The following MEF2A variants were observed in gnomAD, a reference collection of about 807,000 sequenced individuals.
MEF2A encodes the protein myocyte enhancer factor 2A, also known as myocyte-specific enhancer factor 2A.
MEF2A carries 28 observed loss-of-function variants against 55.8 expected under a neutral mutation model. The ratio of observed to expected loss-of-function variants is 0.50; its 90% CI spans 0.37 to 0.69. The LOEUF is 0.69. MEF2A is among the 30% of genes least tolerant of loss of function. MEF2A has a pLI of 0.00. For missense variants in MEF2A, 528 were observed against 626.2 expected (o/e 0.84, Z 1.67); for synonymous variants, 239 against 227.1 (o/e 1.05, Z -0.47).
intron 1 of MEF2A, among the ~76,000 whole-genome samples, chr15:99,592,713 T>G (rs1969753408): frequency 6.6e-6 from 1 of 152,022 alleles, no homozygotes. Context: ...GGGGAGGTAC[T>G]ACACTCTTGA....
intron 4 of MEF2A, 35 bp downstream of exon 4, chr15:99,645,799 A>G: frequency 7.0e-7 from 1 of 1,428,410 alleles, no homozygotes. Flanking sequence ...AATTGCAAGT[A>G]ATACTGAAAT....
chr15:99,645,935 TATAAAC>T, intron 4 of MEF2A, 171 bp downstream of exon 4: 2 of 509,922 alleles, frequency 3.9e-6, no homozygotes, highest in Non-Finnish European at 3.5e-6. Context: ...TCACTTGTGT[TATAAAC>T]ATACTCTATT....
intron 2 of MEF2A, among the ~76,000 whole-genome samples, chr15:99,615,970 G>A (rs1284253715): frequency 6.6e-6 from 1 of 152,058 alleles, no homozygotes; most frequent in African/African-American, 2.4e-5. Context: ...GATTCAAAAT[G>A]GACTCTTCTG....
At chr15:99,707,077 G>A (rs2058121259) in intron 10 of MEF2A, among the ~76,000 whole-genome samples, 1 of 152,192 alleles carries the variant, frequency 6.6e-6, no homozygotes, top group African/African-American at 2.4e-5. Flanking sequence ...CTTCTCCAGT[G>A]TGAACTTTCA....
rs145618675 is a variant in MEF2A at position 99,712,916 on chromosome 15, A to AGTGT, written c.*148_*151dup. Reference sequence around the variant, plus strand: ...TTACATATATATGTATGTGGGTGTGAGTGTGTATGTGTGGGTGTGTGTTAC... The same window carrying AGTGT: ...TTACATATATATGTATGTGGGTGTGAGTGTGTGTGTATGTGTGGGTGTGTGTTAC... On this transcript the variant is annotated 3_prime_UTR_variant, in exon 12 of 12. Coordinates refer to ENST00000557942, the MANE Select transcript of MEF2A (RefSeq NM_001319206.4). The surrounding 1 kb of genome is among the most constrained non-coding windows in gnomAD (Gnocchi z 4.1). The AGTGT allele has an allele frequency of 0.46, 413,898 of 899,282 alleles. 100,281 individuals are homozygous for AGTGT. Among genetic ancestry groups the AGTGT allele is most frequent in the East Asian group, 0.62 (23,192 of 37,518 alleles). 55.7% of individuals were successfully genotyped at this position (899,282 alleles called of 1,614,324 possible).
At chr15:99,631,974 GTAT>G (rs1306112828) in intron 2 of MEF2A, among the ~76,000 whole-genome samples, 1 of 152,148 alleles carries the variant, frequency 6.6e-6, no homozygotes, top group Admixed American at 6.5e-5. Flanking sequence ...CCATGGGAAT[GTAT>G]TATTATGACT....
chr15:99,691,100 G>GTTTTTTT (rs3979130), intron 8 of MEF2A, among the ~76,000 whole-genome samples: 5 of 122,898 alleles, frequency 4.1e-5, no homozygotes, highest in Admixed American at 8.5e-5. Flanking sequence ...TTCGAATCAG[G>GTTTTTTT]TTTTTTTTTT....
chr15:99,662,410 C>T (rs1244920232), intron 4 of MEF2A, among the ~76,000 whole-genome samples: 1 of 151,630 alleles, frequency 6.6e-6, no homozygotes, highest in Non-Finnish European at 1.5e-5. Flanking sequence ...CAACTTTTCT[C>T]ATTTTTAAAA....
At chr15:99,570,547 C>G (rs374605322) in intron 1 of MEF2A, among the ~76,000 whole-genome samples, 1 of 152,126 alleles carries the variant, frequency 6.6e-6, no homozygotes, top group Non-Finnish European at 1.5e-5. Flanking sequence ...TTGTTACTTG[C>G]GTGACCAGCA....
chr15:99,573,428 C>T (rs1179709181), intron 1 of MEF2A, among the ~76,000 whole-genome samples: 2 of 152,050 alleles, frequency 1.3e-5, no homozygotes, highest in African/African-American at 2.4e-5. Context: ...TATTAACATA[C>T]GGTCATTATT....
At chr15:99,697,739 ATAGG>A (rs1022795718) in intron 8 of MEF2A, among the ~76,000 whole-genome samples, 1 of 152,202 alleles carries the variant, frequency 6.6e-6, no homozygotes, top group Non-Finnish European at 1.5e-5. Context: ...TCTAAAATAT[ATAGG>A]TAAAGACGAA....
chr15:99,604,555 A>C (rs951482661), intron 2 of MEF2A, among the ~76,000 whole-genome samples: 1 of 151,538 alleles, frequency 6.6e-6, no homozygotes, highest in African/African-American at 2.4e-5. Flanking sequence ...TCTTTTTTTA[A>C]TGCCCTTGTC....
chr15:99,573,286 C>CAAAAAAA, intron 1 of MEF2A, among the ~76,000 whole-genome samples: 1 of 86,634 alleles, frequency 1.2e-5, no homozygotes, highest in Non-Finnish European at 2.3e-5. Context: ...GACTCCGTCT[C>CAAAAAAA]AAAAAAAAAA....
chr15:99,620,555 A>T (rs550140487), intron 2 of MEF2A, among the ~76,000 whole-genome samples: 1 of 152,278 alleles, frequency 6.6e-6, no homozygotes, highest in African/African-American at 2.4e-5. Context: ...TCCATGGTGT[A>T]TATGCATCAC....
intron 8 of MEF2A, among the ~76,000 whole-genome samples, chr15:99,699,107 CTT>C (rs1217269329): frequency 6.6e-6 from 1 of 151,844 alleles, no homozygotes; most frequent in Non-Finnish European, 1.5e-5. Flanking sequence ...TAATGCCACT[CTT>C]TGAGTATTTA....
rs1421205966 is a variant in MEF2A, at chr15:99,663,526, G to A, written c.259-7797G>A. 2.6e-5 allele frequency among the ~76,000 whole-genome samples: 4 copies of A among 151,382 alleles called. No individual in the cohort carries two copies. In the East Asian group the frequency reaches 5.8e-4, roughly 22 times the overall value. On this transcript the variant is annotated intron_variant, in intron 4 of 11. Transcript: ENST00000557942. Reference sequence around the variant, plus strand: ...GCTTATTTTCCATGGAAGTTTTTATGTATATAAAACTTTTTATATTTTATG... The same window carrying A: ...GCTTATTTTCCATGGAAGTTTTTATATATATAAAACTTTTTATATTTTATG...
At chr15:99,627,849 G>A (rs1165856853) in intron 2 of MEF2A, among the ~76,000 whole-genome samples, 3 of 152,146 alleles carry the variant, frequency 2.0e-5, no homozygotes, top group Non-Finnish European at 4.4e-5. Context: ...GTGTTAAATT[G>A]TGGAGAAGGA....
intron 8 of MEF2A, among the ~76,000 whole-genome samples, chr15:99,699,716 T>C (rs1293999155): frequency 1.3e-5 from 2 of 152,120 alleles, no homozygotes; most frequent in Non-Finnish European, 2.9e-5. Flanking sequence ...ACCAACGAAA[T>C]TGTAGCAAAT....
chr15:99,653,548 A>G (rs2047198049), intron 4 of MEF2A, among the ~76,000 whole-genome samples: 1 of 152,182 alleles, frequency 6.6e-6, no homozygotes, highest in Non-Finnish European at 1.5e-5. Context: ...TGATTTTCAA[A>G]TTTCTAACGT....
Sources: gnomAD v4.1 joint callset for allele counts (sites outside exome capture counted in the v4.1 genomes callset) on GRCh38, gnomAD v4.1.1 for gene constraint, Gnocchi (gnomAD v3.1) non-coding constraint, MANE v1.5 for transcripts, NCBI Gene and HGNC (gene_info 2026-07-23, HGNC 2026-07-21) for gene names.